KMO: variants seen among roughly 807,000 people sequenced by gnomAD.
KMO encodes the protein kynurenine 3-monooxygenase.
In KMO, 24 loss-of-function variants were observed where a neutral mutation model predicts 57.8. That is an observed-to-expected ratio of 0.42 (90% CI 0.30 to 0.58). The LOEUF (loss-of-function observed/expected upper bound fraction) is 0.58. Among genes scored for constraint, KMO ranks in the 20% least tolerant of loss-of-function variants. KMO has a pLI of 0.22. For missense variants in KMO, 483 were observed against 588.2 expected, an observed-to-expected ratio of 0.82 and a Z score of 1.85; for synonymous variants, 210 against 193.6, an observed-to-expected ratio of 1.08 and a Z score of -0.70.
At chr1:241,565,368 T>C (rs1662034246) in intron 8 of KMO, among the ~76,000 whole-genome samples, 1 of 152,120 alleles carries the variant, frequency 6.6e-6, no homozygotes, top group Non-Finnish European at 1.5e-5. Context: ...ATTTAGGTTA[T>C]CTATCAGGAA....
chr1:241,586,036 T>C (rs773601383), intron 10 of KMO, among the ~76,000 whole-genome samples: 10 of 152,024 alleles, frequency 6.6e-5, no homozygotes, highest in African/African-American at 1.7e-4. Context: ...CTAAAACTTA[T>C]GGTAGAGCAA....
chr1:241,564,890 TG>T, intron 7 of KMO, 96 bp from the exon 8 acceptor site: 1 of 731,808 alleles, frequency 1.4e-6, no homozygotes, highest in South Asian at 1.6e-5. Context: ...TAGATGCTAC[TG>T]GTTTTAATTA....
At chr1:241,588,143 T>C (rs1264113600) in intron 11 of KMO, among the ~76,000 whole-genome samples, 3 of 152,090 alleles carry the variant, frequency 2.0e-5, no homozygotes, top group Non-Finnish European at 4.4e-5. Context: ...GTGGGGATGA[T>C]ACTCTCAACT....
chr1:241,590,553 C>T (rs1663222239), intron 14 of KMO, among the ~76,000 whole-genome samples: 1 of 152,138 alleles, frequency 6.6e-6, no homozygotes, highest in South Asian at 2.1e-4. Context: ...TTGATTTTTG[C>T]TTCATGCAAT....
chr1:241,592,210 A>G lies in KMO; in HGVS notation c.*57A>G. ...TTCTCTGTGACCAAAATTAAGCATG[A>G]AAAAAATGTTTCCATTGCCATATTT... On this transcript the variant is annotated 3_prime_UTR_variant, in exon 15 of 15. Transcript: ENST00000366559. 7.4e-7 allele frequency: 1 copy of G among 1,344,256 alleles called. No homozygotes were observed. The allele number at this position is 1,344,256 out of a possible 1,614,324, so 83.3% of individuals were successfully genotyped here. A position where few individuals can be genotyped will look rare whatever the true frequency, so the allele number is the denominator to read the frequency against.
At chr1:241,583,792 T>C (rs1275597927) in intron 10 of KMO, among the ~76,000 whole-genome samples, 2 of 111,790 alleles carry the variant, frequency 1.8e-5, no homozygotes, top group African/African-American at 9.2e-5. Flanking sequence ...CTTGGGTATA[T>C]GTGGCTGACC....
intron 13 of KMO, 23 bp downstream of exon 13, chr1:241,590,136 T>C (rs1663193201): frequency 1.2e-6 from 2 of 1,608,886 alleles, no homozygotes; most frequent in Non-Finnish European, 1.7e-6. Flanking sequence ...CTGAAGACTT[T>C]TCCTCATTTT....
chr1:241,591,945 TCTTA>T lies in KMO; in HGVS notation c.1261-6_1261-3del. The stretch of plus-strand genomic sequence containing the variant: ...ACAAATGAAATGAGAGTTCTTGCTG[TCTTA>T]CAGGTGATAAACAAAGGACTCTTTT... On this transcript the variant is annotated splice_polypyrimidine_tract_variant and splice_region_variant and intron_variant, in intron 14 of 14. Coordinates refer to ENST00000366559, the MANE Select transcript of KMO (RefSeq NM_003679.5). 6.2e-7 allele frequency: 1 copy of T among 1,610,960 alleles called. No individual in the cohort carries two copies. The highest frequency in any genetic ancestry group is 8.5e-7 in the Non-Finnish European group (1 of 1,177,254).
intron 1 of KMO, among the ~76,000 whole-genome samples, chr1:241,533,468 T>C (rs1660648249): frequency 6.6e-6 from 1 of 152,194 alleles, no homozygotes; most frequent in Admixed American, 6.5e-5. Context: ...TTCCCCAAAG[T>C]GCTAGAACAG....
intron 10 of KMO, among the ~76,000 whole-genome samples, chr1:241,576,615 C>T (rs1662529292): frequency 6.6e-6 from 1 of 152,138 alleles, no homozygotes; most frequent in Non-Finnish European, 1.5e-5. Flanking sequence ...AAGATTTCTG[C>T]TGAGAAGTCT....
intron 5 of KMO, among the ~76,000 whole-genome samples, chr1:241,558,894 C>T (rs934751409): frequency 7.9e-5 from 12 of 151,918 alleles, no homozygotes; most frequent in African/African-American, 2.2e-4. Context: ...GGGTGGATCA[C>T]CTGAGGCCAG....
At chr1:241,555,550 AC>A in intron 4 of KMO, 61 bp from the exon 5 acceptor site, 2 of 902,728 alleles carry the variant, frequency 2.2e-6, no homozygotes, top group Non-Finnish European at 3.6e-6. Context: ...TGAGTGAATA[AC>A]TTAGAATTAT....
intron 1 of KMO, among the ~76,000 whole-genome samples, chr1:241,547,772 G>A (rs1018731629): frequency 6.6e-6 from 1 of 152,092 alleles, no homozygotes; most frequent in African/African-American, 2.4e-5. Flanking sequence ...GAAACAGTTT[G>A]GCATCAGAAA....
At chr1:241,533,579 C>T (rs547497438) in intron 1 of KMO, among the ~76,000 whole-genome samples, 1 of 152,268 alleles carries the variant, frequency 6.6e-6, no homozygotes, top group South Asian at 2.1e-4. Flanking sequence ...TCATACTAGG[C>T]TTGTGTCCAA....
At chr1:241,585,298 GAAGAGT>G (rs1345187305) in intron 10 of KMO, among the ~76,000 whole-genome samples, 1 of 152,014 alleles carries the variant, frequency 6.6e-6, no homozygotes, top group Non-Finnish European at 1.5e-5. Context: ...AGAGAGTTGT[GAAGAGT>G]AAATGAATTA....
At chr1:241,581,206 C>T (rs1662736319) in intron 10 of KMO, among the ~76,000 whole-genome samples, 1 of 151,942 alleles carries the variant, frequency 6.6e-6, no homozygotes, top group South Asian at 2.1e-4. Context: ...TATTTTCAGT[C>T]GATGTGTGTC....
Position 241,533,958 on chromosome 1 carries a change from A to C in KMO, c.54+1460A>C, listed in dbSNP as rs368174147. 2.6e-4 allele frequency among the ~76,000 whole-genome samples: 40 copies of C among 152,348 alleles called. No homozygotes were observed. In the South Asian group the frequency reaches 5.6e-3, roughly 21 times the overall value. The stretch of plus-strand genomic sequence containing the variant: ...CAGCAGGAAGAGAAACCCTCAGGCA[A>C]TAATGAGCTGCCCAAGTTCAAGGAG... On this transcript the variant is annotated intron_variant, in intron 1 of 14. Transcript: ENST00000366559.
intron 7 of KMO, among the ~76,000 whole-genome samples, chr1:241,563,966 C>A (rs769559242): frequency 2.0e-5 from 3 of 152,076 alleles, no homozygotes; most frequent in Non-Finnish European, 4.4e-5. Flanking sequence ...ACTGTTAAAG[C>A]GAAGTAATTG....
At chr1:241,534,072 G>A (rs904809204) in intron 1 of KMO, among the ~76,000 whole-genome samples, 5 of 152,224 alleles carry the variant, frequency 3.3e-5, no homozygotes, top group African/African-American at 1.2e-4. Flanking sequence ...TAGGATCTTA[G>A]AGGTCCAGGC....
Sources: allele counts gnomAD v4.1 joint callset (sites outside exome capture counted in the v4.1 genomes callset), GRCh38; gene constraint gnomAD v4.1.1; transcripts MANE v1.5; gene names NCBI Gene and HGNC (gene_info 2026-07-23, HGNC 2026-07-21).